DMD: variants seen among roughly 807,000 people sequenced by gnomAD.
DMD encodes the protein mutant dystrophin.
In DMD, 63 loss-of-function variants were observed where a neutral mutation model predicts 330.1. That is an observed-to-expected ratio of 0.19 (90% confidence interval 0.16 to 0.24). The LOEUF is 0.24. Ranked by LOEUF, DMD falls within the 10% of genes least tolerant of loss-of-function variation. DMD has a pLI of 1.00. For synonymous variants in DMD, 1,223 were observed against 959.8 expected, an observed-to-expected ratio of 1.27 and a Z score of -5.07; for missense variants, 3,344 against 2,684.1, an observed-to-expected ratio of 1.25 and a Z score of -5.43.
intron 1 of DMD, among the ~76,000 whole-genome samples, chrX:33,315,954 A>T (rs1464911641): frequency 9.0e-6 from 1 of 110,871 alleles, no homozygotes; most frequent in African/African-American, 3.3e-5. Flanking sequence ...TCCTTTATTG[A>T]GTCAAGATTC....
chrX:33,254,942 A>G (rs1270751172), intron 1 of DMD, among the ~76,000 whole-genome samples: 1 of 110,978 alleles, frequency 9.0e-6, no homozygotes, highest in Non-Finnish European at 1.9e-5. Flanking sequence ...CACGTGTGCA[A>G]TTACACCATT....
At chrX:32,829,719 A>G (rs1262762904) in intron 4 of DMD, among the ~76,000 whole-genome samples, 1 of 111,956 alleles carries the variant, frequency 8.9e-6, no homozygotes, top group East Asian at 2.8e-4. Context: ...CACTATGCCT[A>G]CATCATTAGA....
chrX:31,396,121 G>A (rs1485671916), intron 60 of DMD, among the ~76,000 whole-genome samples: 1 of 104,675 alleles, frequency 9.6e-6, no homozygotes, highest in African/African-American at 3.6e-5. Context: ...AGGGCCCTTA[G>A]CTTCCAAAGA....
Position 32,374,206 on chromosome X carries a change from C to A in DMD, c.4845+6304G>T, listed in dbSNP as rs769535366. 2.2e-3 allele frequency among the ~76,000 whole-genome samples: 242 copies of A among 110,932 alleles called. 1 individual carries two copies. Among genetic ancestry groups the A allele is most frequent in the African/African-American group, 7.7e-3 (236 of 30,620 alleles). On this transcript the variant is annotated intron_variant, in intron 34 of 78. Coordinates refer to ENST00000357033, the MANE Select transcript of DMD (RefSeq NM_004006.3). Reference sequence around the variant, plus strand: ...TTCCTTATAGATTCTGGATATTATTCTTTTGTCAGATGCAAAGTTTGCAAA... The same window carrying A: ...TTCCTTATAGATTCTGGATATTATTATTTTGTCAGATGCAAAGTTTGCAAA...
At chrX:32,196,191 T>C (rs2096999275) in intron 44 of DMD, among the ~76,000 whole-genome samples, 1 of 112,748 alleles carries the variant, frequency 8.9e-6, no homozygotes, top group South Asian at 3.7e-4. Context: ...TAGCCAAGTA[T>C]GGCATTTAGC....
intron 1 of DMD, among the ~76,000 whole-genome samples, chrX:33,081,905 T>C (rs924053552): frequency 3.6e-5 from 4 of 111,054 alleles, no homozygotes; most frequent in Admixed American, 9.6e-5. Flanking sequence ...AGCAGAGTCT[T>C]TGATTTTGAG....
At chrX:31,437,945 G>A (rs1038988113) in intron 60 of DMD, among the ~76,000 whole-genome samples, 2 of 108,284 alleles carry the variant, frequency 1.8e-5, no homozygotes, top group Admixed American at 2.0e-4. Flanking sequence ...TCTCACTTTC[G>A]ACTGGCTACA....
At chrX:32,811,286 C>G (rs2077353467) in intron 6 of DMD, among the ~76,000 whole-genome samples, 1 of 110,232 alleles carries the variant, frequency 9.1e-6, no homozygotes, top group African/African-American at 3.3e-5. Context: ...CTATAGTGAG[C>G]CATGATTGTA....
chrX:32,401,326 TATA>T (rs2147797159), intron 30 of DMD, among the ~76,000 whole-genome samples: 1 of 102,089 alleles, frequency 9.8e-6, no homozygotes, highest in East Asian at 2.9e-4. Context: ...AAACTTAAAG[TATA>T]ATAATAAAAA....
At chrX:32,198,581 T>C (rs1462379348) in intron 44 of DMD, among the ~76,000 whole-genome samples, 1 of 112,007 alleles carries the variant, frequency 8.9e-6, no homozygotes, top group Non-Finnish European at 1.9e-5. Flanking sequence ...CTAATCTTAT[T>C]CCAGAATACT....
At chrX:31,882,891 C>T (rs184023753) in intron 47 of DMD, among the ~76,000 whole-genome samples, 1 of 112,007 alleles carries the variant, frequency 8.9e-6, no homozygotes, top group East Asian at 2.8e-4. Context: ...TGAAAATGAA[C>T]TGAAATGACC....
intron 11 of DMD, among the ~76,000 whole-genome samples, chrX:32,622,345 G>A (rs906203007): frequency 8.9e-6 from 1 of 111,810 alleles, no homozygotes; most frequent in Non-Finnish European, 1.9e-5. Context: ...CCCATTGTTG[G>A]AAAGGATTCT....
chrX:32,575,885 C>T (rs2052988791), intron 13 of DMD, among the ~76,000 whole-genome samples: 1 of 111,963 alleles, frequency 8.9e-6, no homozygotes, highest in Non-Finnish European at 1.9e-5. Flanking sequence ...ACAAAAAAGA[C>T]TTTCAAGTAT....
intron 41 of DMD, among the ~76,000 whole-genome samples, chrX:32,322,877 CCAT>C (rs1352064164): frequency 8.9e-6 from 1 of 111,768 alleles, no homozygotes; most frequent in African/African-American, 3.2e-5. Context: ...TCCAATAAAT[CCAT>C]CATGATGACT....
chrX:33,320,527 A>G lies in DMD; in HGVS notation c.7+18732T>C, dbSNP rs747613993. 3.6e-5 allele frequency among the ~76,000 whole-genome samples: 4 copies of G among 112,500 alleles called. No homozygotes were observed. The South Asian group carries it at 1.5e-3, about 41-fold the overall frequency. ...AACAAAAACATAATTTATTGCTAAA[A>G]AAGCTAGCAATCATCTGAGCCTTTA... On this transcript the variant is annotated intron_variant, in intron 1 of 17. Transcript: ENST00000288447.
At chrX:33,257,703 A>C (rs760610788) in intron 1 of DMD, among the ~76,000 whole-genome samples, 1 of 111,348 alleles carries the variant, frequency 9.0e-6, no homozygotes, top group African/African-American at 3.2e-5. Flanking sequence ...CAACTTCTAT[A>C]AAATGGTAAG....
intron 44 of DMD, among the ~76,000 whole-genome samples, chrX:31,999,682 C>A (rs1442983962): frequency 8.9e-6 from 1 of 111,739 alleles, no homozygotes; most frequent in Non-Finnish European, 1.9e-5. Flanking sequence ...AGCTCTATAG[C>A]CAATGAGTTA....
At chrX:31,424,833 T>C (rs901838309) in intron 60 of DMD, among the ~76,000 whole-genome samples, 4 of 112,180 alleles carry the variant, frequency 3.6e-5, no homozygotes, top group African/African-American at 1.3e-4. Context: ...GGAGACCTTT[T>C]ACTACAACGT....
chrX:33,285,103 TA>T (rs1489187417), intron 1 of DMD, among the ~76,000 whole-genome samples: 1 of 111,761 alleles, frequency 8.9e-6, no homozygotes, highest in Non-Finnish European at 1.9e-5. Flanking sequence ...TGTTGCTTTG[TA>T]ATTGGGCTGA....
Sources: gnomAD v4.1 joint callset for allele counts (sites outside exome capture counted in the v4.1 genomes callset) on GRCh38, gnomAD v4.1.1 for gene constraint, MANE v1.5 for transcripts, NCBI Gene and HGNC (gene_info 2026-07-23, HGNC 2026-07-21) for gene names.